CSMD1: variants seen among roughly 807,000 people sequenced by gnomAD.
CSMD1 encodes the protein CUB and Sushi multiple domains 1, also known as CUB and sushi domain-containing protein 1.
In CSMD1, 213 loss-of-function variants were observed where a neutral mutation model predicts 417.5. The observed-to-expected ratio is 0.51, with a 90% confidence interval of 0.46 to 0.57. CSMD1 has a LOEUF of 0.57. CSMD1 is among the 20% of genes least tolerant of loss of function. The pLI is 0.00. For missense variants in CSMD1, 6,923 were observed against 4,529.7 expected (o/e 1.53, Z -15.17); for synonymous variants, 2,862 against 1,736.8 (o/e 1.65, Z -16.11).
intron 3 of CSMD1, among the ~76,000 whole-genome samples, chr8:4,171,203 T>G (rs949713362): frequency 2.6e-5 from 4 of 151,854 alleles, no homozygotes; most frequent in Non-Finnish European, 5.9e-5. Flanking sequence ...CACAGACCTG[T>G]GTGAAACCTA....
intron 3 of CSMD1, among the ~76,000 whole-genome samples, chr8:4,050,934 A>G (rs1383012825): frequency 6.6e-6 from 1 of 152,088 alleles, no homozygotes; most frequent in Non-Finnish European, 1.5e-5. Flanking sequence ...CTATATTCCC[A>G]TCCATGATAA....
At chr8:3,619,630 G>T (rs1469688092) in intron 7 of CSMD1, among the ~76,000 whole-genome samples, 1 of 152,078 alleles carries the variant, frequency 6.6e-6, no homozygotes, top group African/African-American at 2.4e-5. Context: ...AACATCAAGA[G>T]ATCCACAGCA....
intron 3 of CSMD1, among the ~76,000 whole-genome samples, chr8:4,349,129 C>T (rs1451688098): frequency 1.3e-5 from 2 of 152,172 alleles, no homozygotes; most frequent in Admixed American, 1.3e-4. Context: ...AAAATTCAGT[C>T]TGAATCCGAA....
At chr8:4,114,750 G>C (rs115394308) in intron 3 of CSMD1, among the ~76,000 whole-genome samples, 132 of 152,280 alleles carry the variant, frequency 8.7e-4, no homozygotes, top group African/African-American at 2.7e-3. Flanking sequence ...CTTTACAGTT[G>C]AGTTTCAAGA....
chr8:4,192,024 C>G (rs1403553059), intron 3 of CSMD1, among the ~76,000 whole-genome samples: 2 of 152,144 alleles, frequency 1.3e-5, no homozygotes, highest in Non-Finnish European at 2.9e-5. Context: ...CCCGCTGTTG[C>G]CAATTCTCCT....
intron 3 of CSMD1, among the ~76,000 whole-genome samples, chr8:4,211,998 G>A (rs180929579): frequency 6.6e-6 from 1 of 152,054 alleles, no homozygotes; most frequent in African/African-American, 2.4e-5. Context: ...TTATAAAATA[G>A]CAGTTGAAAC....
rs879518678 is a variant in CSMD1 at position 3,861,499 on chromosome 8, C to A, written c.819-107457G>T. 5.9e-4 allele frequency among the ~76,000 whole-genome samples: 90 copies of A among 152,062 alleles called. 1 individual carries two copies. Among genetic ancestry groups the A allele is most frequent in the Middle Eastern group, 3.2e-3 (1 of 314 alleles). On this transcript the variant is annotated intron_variant, in intron 5 of 69. Coordinates refer to ENST00000635120, the MANE Select transcript of CSMD1 (RefSeq NM_033225.6). ...TAGATTTGGACTCGTGAGGGCTGTG[C>A]CTTTGAACCTGCACCTGATGCCTCT...
intron 5 of CSMD1, among the ~76,000 whole-genome samples, chr8:3,776,339 G>A (rs547250430): frequency 3.9e-5 from 6 of 152,080 alleles, no homozygotes; most frequent in African/African-American, 4.8e-5. Flanking sequence ...ACCTTGAAGC[G>A]ACACTCTCCA....
intron 3 of CSMD1, among the ~76,000 whole-genome samples, chr8:4,046,994 C>G (rs1010966118): frequency 1.3e-5 from 2 of 152,174 alleles, no homozygotes; most frequent in African/African-American, 2.4e-5. Flanking sequence ...AGAACCCTCC[C>G]TGATGCATGA....
At chr8:3,695,615 T>C (rs1295368031) in intron 7 of CSMD1, among the ~76,000 whole-genome samples, 5 of 152,158 alleles carry the variant, frequency 3.3e-5, no homozygotes, top group African/African-American at 9.7e-5. Context: ...TGTTCACGTG[T>C]TTCACAAAAG....
At chr8:4,328,599 G>C (rs780271165) in intron 3 of CSMD1, among the ~76,000 whole-genome samples, 1 of 151,866 alleles carries the variant, frequency 6.6e-6, no homozygotes, top group Non-Finnish European at 1.5e-5. Flanking sequence ...TAAAAATGAA[G>C]TCATTTTGTT....
At chr8:4,356,915 C>G (rs1274240103) in intron 3 of CSMD1, among the ~76,000 whole-genome samples, 1 of 152,180 alleles carries the variant, frequency 6.6e-6, no homozygotes, top group Non-Finnish European at 1.5e-5. Flanking sequence ...TCTGAATAAA[C>G]ATATTACTTT....
At chr8:4,017,779 C>A (rs1712021133) in intron 4 of CSMD1, among the ~76,000 whole-genome samples, 1 of 151,978 alleles carries the variant, frequency 6.6e-6, no homozygotes, top group African/African-American at 2.4e-5. Flanking sequence ...GAAGAGATGT[C>A]CTCTTTGTAA....
chr8:3,191,700 G>C (rs1230499581), intron 33 of CSMD1, among the ~76,000 whole-genome samples: 2 of 152,168 alleles, frequency 1.3e-5, no homozygotes, highest in Non-Finnish European at 2.9e-5. Flanking sequence ...AGATATTCCT[G>C]TTTATCAAAA....
chr8:4,455,905 G>C (rs1245910199), intron 2 of CSMD1, among the ~76,000 whole-genome samples: 1 of 88,744 alleles, frequency 1.1e-5, no homozygotes, highest in African/African-American at 4.2e-5. Flanking sequence ...ATCCAGCCTG[G>C]GTGACAAAGT....
intron 2 of CSMD1, among the ~76,000 whole-genome samples, chr8:4,601,236 G>A (rs564075518): frequency 6.6e-5 from 10 of 152,276 alleles, no homozygotes; most frequent in African/African-American, 9.6e-5. Flanking sequence ...GATTACAGGC[G>A]TGAGCCACCG....
intron 3 of CSMD1, among the ~76,000 whole-genome samples, chr8:4,285,360 G>A (rs1053323676): frequency 1.3e-5 from 2 of 152,142 alleles, no homozygotes; most frequent in African/African-American, 4.8e-5. Flanking sequence ...ATCTGAAACT[G>A]CAGCCTTTCT....
chr8:4,171,718 G>A (rs936801534), intron 3 of CSMD1, among the ~76,000 whole-genome samples: 15 of 149,192 alleles, frequency 1.0e-4, no homozygotes, highest in Admixed American at 8.0e-4. Flanking sequence ...ATATTTATGT[G>A]CCAAGCTTCT....
chr8:4,586,235 A>T (rs1410615592), intron 2 of CSMD1, among the ~76,000 whole-genome samples: 1 of 152,210 alleles, frequency 6.6e-6, no homozygotes, highest in Non-Finnish European at 1.5e-5. Flanking sequence ...ACCCTATTAC[A>T]CTTCCAAGTA....
Sources: allele counts gnomAD v4.1 joint callset (sites outside exome capture counted in the v4.1 genomes callset), GRCh38; gene constraint gnomAD v4.1.1; transcripts MANE v1.5; gene names NCBI Gene and HGNC (gene_info 2026-07-23, HGNC 2026-07-21).